Variants in SMYD5 observed in about 807,000 individuals in gnomAD.
SMYD5 encodes SMYD family member 5, also known as protein-lysine N-trimethyltransferase SMYD5.
In SMYD5, 35 loss-of-function variants were observed where a neutral mutation model predicts 57.4. That is an observed-to-expected ratio of 0.61 (90% CI 0.47 to 0.81). The LOEUF is 0.81. Ranked by LOEUF, SMYD5 falls within the 30% of genes least tolerant of loss-of-function variation. The pLI is 0.00. For synonymous variants in SMYD5, 198 were observed against 189.7 expected, an observed-to-expected ratio of 1.04 and a Z score of -0.36; for missense variants, 471 against 527.9, an observed-to-expected ratio of 0.89 and a Z score of 1.06.
At chr2:73,220,923 A>T in intron 4 of SMYD5, 141 bp downstream of exon 4, 1 of 997,020 alleles carries the variant, frequency 1.0e-6, no homozygotes, top group Non-Finnish European at 1.5e-6. Flanking sequence ...AAGTCACATA[A>T]CCCTATCCCC....
intron 1 of SMYD5, among the ~76,000 whole-genome samples, chr2:73,216,443 C>T (rs887661084): frequency 6.6e-6 from 1 of 152,086 alleles, no homozygotes; most frequent in African/African-American, 2.4e-5. Flanking sequence ...GTAATCCCAG[C>T]ACTTTGGGAG....
intron 11 of SMYD5, 80 bp downstream of exon 11, chr2:73,225,040 C>A: frequency 9.6e-7 from 1 of 1,039,572 alleles, no homozygotes; most frequent in Non-Finnish European, 1.5e-6. Context: ...GCAGCAGTGG[C>A]TAGAGCACCT....
Position 73,218,972 on chromosome 2 carries a change from G to A in SMYD5, c.205+3G>A. 2 of 1,603,156 alleles carry A rather than the reference G, an allele frequency of 1.2e-6. No homozygotes were observed. Among genetic ancestry groups the A allele is most frequent in the Non-Finnish European group, 1.7e-6 (2 of 1,169,850 alleles). On this transcript the variant is annotated splice_donor_region_variant and intron_variant, in intron 2 of 12. Transcript: ENST00000389501. ...GAATGCACTTTATCGCTACCGAGGT[G>A]AGTACATCTCTCCTACTCCTCATGG...
intron 9 of SMYD5, 64 bp from the exon 10 acceptor site, chr2:73,223,883 C>A: frequency 6.8e-7 from 1 of 1,480,216 alleles, no homozygotes. Flanking sequence ...TCCGTGTAAG[C>A]CTCGTTTCCT....
chr2:73,223,360 G>GT, intron 8 of SMYD5, 66 bp from the exon 9 acceptor site: 1 of 1,106,756 alleles, frequency 9.0e-7, no homozygotes, highest in Non-Finnish European at 1.4e-6. Flanking sequence ...TAACTTACCT[G>GT]GAGGTGGAGA....
chr2:73,222,482 G>A (rs886195226), intron 6 of SMYD5, among the ~76,000 whole-genome samples: 11 of 152,216 alleles, frequency 7.2e-5, no homozygotes, highest in Non-Finnish European at 7.3e-5. Context: ...TGATGGTGGT[G>A]GTGTGGATAG....
intron 8 of SMYD5, 49 bp downstream of exon 8, chr2:73,223,155 G>C (rs781305803): frequency 6.7e-7 from 1 of 1,498,728 alleles, no homozygotes; most frequent in Non-Finnish European, 9.3e-7. Context: ...GTGGGAAACT[G>C]AGGAAGGTAG....
chr2:73,216,199 C>G (rs1686290395), intron 1 of SMYD5, among the ~76,000 whole-genome samples: 1 of 152,204 alleles, frequency 6.6e-6, no homozygotes, highest in Admixed American at 6.5e-5. Context: ...TACTGGTGCA[C>G]TAGCCGGATA....
Position 73,226,270 on chromosome 2 carries a change from C to T in SMYD5, c.*324C>T, listed in dbSNP as rs1686502270. 8.9e-6 allele frequency: 3 copies of T among 338,466 alleles called. No individual in the cohort carries two copies. The highest frequency in any genetic ancestry group is 6.7e-5 in the South Asian group (1 of 14,948). 21.0% of individuals were successfully genotyped at this position (338,466 alleles called of 1,614,324 possible). Reference sequence around the variant, plus strand: ...GCCTAACAGTGTTTCTTCCCCTCGGCCCCACGGCCCATACTCACCCCTTCA... The same window carrying T: ...GCCTAACAGTGTTTCTTCCCCTCGGTCCCACGGCCCATACTCACCCCTTCA... On this transcript the variant is annotated 3_prime_UTR_variant, in exon 13 of 13. Coordinates refer to ENST00000389501, the MANE Select transcript of SMYD5 (RefSeq NM_006062.3).
intron 1 of SMYD5, 51 bp downstream of exon 1, chr2:73,214,413 A>AGACAGCCCGACTGGG: frequency 6.2e-7 from 1 of 1,610,364 alleles, no homozygotes. Context: ...CCGGCCATGG[A>AGACAGCCCGACTGGG]GACAGCCCGG....
Position 73,223,023 on chromosome 2 carries a change from T to C in SMYD5, c.706-13T>C, listed in dbSNP as rs1377972312. ...GGCTGTAATGAGCACTCATCTCTTTTTTCCCCCCACAGTGGTTCACTCCAG... is the reference window on the plus strand; with the variant it reads ...GGCTGTAATGAGCACTCATCTCTTTCTTCCCCCCACAGTGGTTCACTCCAG... On this transcript the variant is annotated splice_polypyrimidine_tract_variant and intron_variant, in intron 7 of 12. Transcript: ENST00000389501. 3 of 1,613,148 alleles carry C rather than the reference T, an allele frequency of 1.9e-6. No individual in the cohort carries two copies. Among genetic ancestry groups the C allele is most frequent in the Admixed American group, 1.7e-5 (1 of 60,034 alleles).
In SMYD5 at chr2:73,223,123, G is replaced by T. The variant is rs765614021; in HGVS notation, c.776+17G>T. On this transcript the variant is annotated intron_variant, in intron 8 of 12. Coordinates refer to ENST00000389501, the MANE Select transcript of SMYD5 (RefSeq NM_006062.3). ...CGGGACCAGGTTAGAATGTTCCAGA[G>T]CTATTGAAGTTACTCTCAGGGGTGG... 8.7e-6 allele frequency: 14 copies of T among 1,609,022 alleles called. No individual in the cohort carries two copies. Among genetic ancestry groups the T allele is most frequent in the Non-Finnish European group, 1.2e-5 (14 of 1,175,242 alleles).
At position 73,221,856 on chromosome 2, in the gene SMYD5, T is replaced by C. The variant is rs566438849; in HGVS notation, c.568T>C (p.Phe190Leu). ...GGACAAGGACCGTTGGATCAGACTC[T>C]TTTCCCAGTTTTGTAACAAAACAGC... is the stretch of plus-strand genomic sequence containing the variant. The part of the protein sequence containing the change: ...AKDKDRWIRL[F>L]SQFCNKTANE... The change falls in exon 6 of 13, where the codon TTT (phenylalanine) becomes CTT (leucine). Residue 190 changes from phenylalanine (F) to leucine (L), a missense_variant. Physicochemically the swap from Phe to Leu is conservative, Grantham distance 22. Coordinates refer to ENST00000389501, the MANE Select transcript of SMYD5 (RefSeq NM_006062.3). The C allele has an allele frequency of 7.4e-6, 12 of 1,613,808 alleles. No homozygotes were observed. In the South Asian group the frequency reaches 1.3e-4, roughly 18 times the overall value.
intron 3 of SMYD5, 93 bp from the exon 4 acceptor site, chr2:73,220,568 T>C: frequency 2.0e-6 from 3 of 1,466,426 alleles, no homozygotes. Flanking sequence ...ACATCTGAGC[T>C]ACAGCTCAGG....
In SMYD5 at chr2:73,221,940, C is replaced by G; in HGVS notation, c.642+10C>G. 6.5e-7 allele frequency: 1 copy of G among 1,528,002 alleles called. No individual in the cohort carries two copies. Among genetic ancestry groups the G allele is most frequent in the East Asian group, 2.2e-5 (1 of 44,450 alleles). The allele number at this position is 1,528,002 out of a possible 1,614,324, so 94.7% of individuals were successfully genotyped here. A position where few individuals can be genotyped will look rare whatever the true frequency, so the allele number is the denominator to read the frequency against. ...GGGAGACAAATTCAAGGTTATTATT[C>G]TCCCGTGGCCTGTCTCCTTCCCTCC... On this transcript the variant is annotated intron_variant, in intron 6 of 12. Transcript: ENST00000389501.
intron 11 of SMYD5, 47 bp downstream of exon 11, chr2:73,225,007 GAAGTTCTCTGCA>G (rs1354091414): frequency 2.8e-6 from 4 of 1,442,762 alleles, no homozygotes; most frequent in Non-Finnish European, 3.9e-6. Flanking sequence ...GTAGGCCTTG[GAAGTTCTCTGCA>G]GGGATCAGGA....
chr2:73,220,026 T>A (rs1686354448), intron 2 of SMYD5, 25 bp from the exon 3 acceptor site: 3 of 1,613,990 alleles, frequency 1.9e-6, no homozygotes, highest in Admixed American at 1.7e-5. Context: ...CTCAAGATAT[T>A]GTTGTGTCTG....
chr2:73,223,365 T>G, intron 8 of SMYD5, 61 bp from the exon 9 acceptor site: 1 of 1,145,626 alleles, frequency 8.7e-7, no homozygotes, highest in South Asian at 1.2e-5. Flanking sequence ...TACCTGGAGG[T>G]GGAGAGCCCT....
At chr2:73,219,989 G>A (rs746091308) in intron 2 of SMYD5, 62 bp from the exon 3 acceptor site, 2 of 1,609,392 alleles carry the variant, frequency 1.2e-6, no homozygotes, top group East Asian at 2.2e-5. Context: ...CTGTAGGGCT[G>A]TGAAAGGGAT....
Sources: allele counts gnomAD v4.1 joint callset (sites outside exome capture counted in the v4.1 genomes callset), GRCh38; gene constraint gnomAD v4.1.1; transcripts MANE v1.5; gene names NCBI Gene and HGNC (gene_info 2026-07-23, HGNC 2026-07-21).